The following PAOX variants were observed in gnomAD, a reference collection of about 807,000 sequenced individuals.
The protein encoded by PAOX is polyamine oxidase, also known as peroxisomal N(1)-acetyl-spermine/spermidine oxidase.
In PAOX, 38 loss-of-function variants were observed where a neutral mutation model predicts 39.0. The observed-to-expected ratio is 0.97, with a 90% CI of 0.75 to 1.28. The LOEUF (loss-of-function observed/expected upper bound fraction) is 1.28. PAOX is among the 50% of genes most tolerant of loss of function. The pLI, the probability that PAOX is intolerant of heterozygous loss-of-function variation, is 0.00. For missense variants in PAOX, 667 were observed against 685.7 expected (o/e 0.97, Z 0.30); for synonymous variants, 311 against 314.4 (o/e 0.99, Z 0.11).
At chr10:133,381,868 A>T (rs1849394241) in intron 3 of PAOX, among the ~76,000 whole-genome samples, 1 of 152,204 alleles carries the variant, frequency 6.6e-6, no homozygotes, top group Non-Finnish European at 1.5e-5. Context: ...AAAAAACGCG[A>T]GTAAGTATGC....
Position 133,381,605 on chromosome 10 carries a change from T to G in PAOX, c.814T>G (p.Cys272Gly). ...PGETFPVSVE[C>G]EDGDRFPAHH... ...GGAGACCTTTCCAGTGTCGGTAGAG[T>G]GTGAGGATGGAGACCGGTTCCCGGC... Residue 272 changes from cysteine to glycine, a missense_variant, in exon 3 of 7, where the codon TGT becomes GGT. Physicochemically the swap from Cys to Gly is radical, Grantham distance 159. Transcript: ENST00000278060. 6.2e-7 allele frequency: 1 copy of G among 1,613,142 alleles called. No homozygotes were observed.
chr10:133,385,107 C>A (rs368036229), intron 4 of PAOX, among the ~76,000 whole-genome samples: 9 of 152,174 alleles, frequency 5.9e-5, no homozygotes, highest in African/African-American at 2.2e-4. Flanking sequence ...ACCAGCCTGG[C>A]CAACATGATG....
chr10:133,389,467 G>T, intron 5 of PAOX, 123 bp from the exon 6 acceptor site: 1 of 1,389,196 alleles, frequency 7.2e-7, no homozygotes, highest in Non-Finnish European at 9.9e-7. Context: ...ACACTCTGCT[G>T]CTCACTTTTC....
intron 4 of PAOX, among the ~76,000 whole-genome samples, chr10:133,385,124 C>T (rs547643672): frequency 7.9e-5 from 12 of 152,152 alleles, no homozygotes; most frequent in East Asian, 5.8e-4. Context: ...GATGAAACCC[C>T]GTCTCTACTA....
At chr10:133,381,760 C>T (rs1301353505) in intron 3 of PAOX, 101 bp downstream of exon 3, 38 of 1,245,012 alleles carry the variant, frequency 3.1e-5, no homozygotes, top group Non-Finnish European at 4.2e-5. Context: ...GTACGAAGCT[C>T]ACATTTTCGT....
At chr10:133,390,396 G>C (rs1365037377) in intron 6 of PAOX, among the ~76,000 whole-genome samples, 2 of 142,252 alleles carry the variant, frequency 1.4e-5, no homozygotes, top group African/African-American at 5.3e-5. Flanking sequence ...GGGCAACATA[G>C]TGAGAGTCGG....
rs905595124 is a variant in PAOX, at chr10:133,389,006, T to C, written c.1172T>C (p.Met391Thr). The change falls in exon 5 of 7, where the codon ATG (methionine) becomes ACG (threonine). Residue 391 changes from methionine (M) to threonine (T), a missense_variant. Coordinates refer to ENST00000278060, the MANE Select transcript of PAOX (RefSeq NM_152911.4). The stretch of plus-strand genomic sequence containing the variant: ...ATTGCCGGACTTGAGTCTGAGTTCA[T>C]GGAGACTCTGTCGGATGAAGAAGTA... ...GFIAGLESEF[M>T]ETLSDEEVLL... The C allele has an allele frequency of 1.9e-6, 3 of 1,614,156 alleles. No individual in the cohort carries two copies. Among genetic ancestry groups the C allele is most frequent in the African/African-American group, 1.3e-5 (1 of 75,034 alleles).
At chr10:133,390,647 A>G (rs979316104) in intron 6 of PAOX, among the ~76,000 whole-genome samples, 5 of 152,200 alleles carry the variant, frequency 3.3e-5, no homozygotes, top group African/African-American at 9.7e-5. Flanking sequence ...ATCATTCCTC[A>G]ATATGATCCA....
intron 4 of PAOX, among the ~76,000 whole-genome samples, chr10:133,386,348 T>C (rs965199256): frequency 6.6e-6 from 1 of 151,984 alleles, no homozygotes; most frequent in Non-Finnish European, 1.5e-5. Context: ...TCTTCAGTGT[T>C]ACACTTAATA....
intron 4 of PAOX, among the ~76,000 whole-genome samples, chr10:133,385,385 C>T (rs1271919255): frequency 6.6e-6 from 1 of 152,088 alleles, no homozygotes; most frequent in Admixed American, 6.5e-5. Context: ...GTGTGTAGAG[C>T]CACCTGCTCC....
In PAOX at chr10:133,389,655, AG is replaced by A. The variant is rs1432484783; in HGVS notation, c.1305del (p.Ser436ProfsTer90). 5 of 1,613,184 alleles carry A rather than the reference AG, an allele frequency of 3.1e-6. No homozygotes were observed. In the South Asian group the frequency reaches 4.4e-5, roughly 14 times the overall value. On this transcript the variant is annotated frameshift_variant, in exon 6 of 7. Transcript: ENST00000278060. LOFTEE classifies it high-confidence loss of function. ...RSRWHSAPYT[R>X]GSYSYVAVGS... ...TCGCTGGCACAGCGCCCCGTACACT[AG>A]GGGGTCCTACAGCTACGTGGCCGTG...
intron 6 of PAOX, 99 bp downstream of exon 6, chr10:133,389,846 G>T (rs1849629545): frequency 1.6e-6 from 2 of 1,283,192 alleles, no homozygotes; most frequent in African/African-American, 3.1e-5. Flanking sequence ...GGGTGGGCTG[G>T]GATCCCAGAC....
At chr10:133,381,344 T>C in intron 2 of PAOX, 116 bp from the exon 3 acceptor site, 1 of 964,568 alleles carries the variant, frequency 1.0e-6, no homozygotes, top group African/African-American at 1.6e-5. Context: ...CCCTGAGCGA[T>C]GGAGAGCTCC....
In PAOX at chr10:133,391,629, T is replaced by C. The variant is rs959786840; in HGVS notation, c.*174T>C. ...GTCTGTTATTGGAGTCTGGCCAGGG[T>C]TGACTTGAGCTGAGACACCAGATGC... On this transcript the variant is annotated 3_prime_UTR_variant, in exon 7 of 7. Coordinates refer to ENST00000278060, the MANE Select transcript of PAOX (RefSeq NM_152911.4). 1.3e-5 allele frequency: 14 copies of C among 1,057,074 alleles called. No homozygotes were observed. Among genetic ancestry groups the C allele is most frequent in the Non-Finnish European group, 1.7e-5 (13 of 751,896 alleles). The allele number at this position is 1,057,074 out of a possible 1,614,324, so 65.5% of individuals were successfully genotyped here. A position where few individuals can be genotyped will look rare whatever the true frequency, so the allele number is the denominator to read the frequency against.
At chr10:133,381,819 A>G (rs1240345780) in intron 3 of PAOX, among the ~76,000 whole-genome samples, 160 bp downstream of exon 3, 3 of 152,224 alleles carry the variant, frequency 2.0e-5, no homozygotes, top group African/African-American at 7.2e-5. Context: ...TATGTTTTGT[A>G]GCAATTACAT....
chr10:133,381,465 A>C lies in PAOX; in HGVS notation c.674A>C (p.Tyr225Ser). 6.2e-7 allele frequency: 1 copy of C among 1,613,722 alleles called. No individual in the cohort carries two copies. The highest frequency in any genetic ancestry group is 8.5e-7 in the Non-Finnish European group (1 of 1,179,990). Residue 225 changes from tyrosine (Y) to serine (S), a missense_variant, in exon 3 of 7, where the codon TAT becomes TCT. Coordinates refer to ENST00000278060, the MANE Select transcript of PAOX (RefSeq NM_152911.4). ...PGLDCTFSKG[Y>S]QGLTNCMMAA... ...CAGCACTTCCGTCTTTCTAGGGGCT[A>C]TCAAGGACTCACAAACTGCATGATG...
chr10:133,390,964 C>A, intron 6 of PAOX: 1 of 701,952 alleles, frequency 1.4e-6, no homozygotes, highest in South Asian at 1.5e-5. Context: ...TTGGTGGATG[C>A]GTGTGAGCCG....
chr10:133,379,325 G>A lies in PAOX; in HGVS notation c.9G>A (p.Ser3=). The A allele has an allele frequency of 8.2e-7, 1 of 1,217,076 alleles. No homozygotes were observed. The allele number at this position is 1,217,076 out of a possible 1,614,324, so 75.4% of individuals were successfully genotyped here. ME[S]TGSVGEAPGG... is the part of the protein sequence containing the mutation. ...ACTGCCCGGACCGCGCGATGGAGTC[G>A]ACCGGCAGCGTCGGGGAGGCCCCGG... The change falls in exon 1 of 7, where the codon TCG becomes TCA. Residue 3 remains serine, a synonymous_variant. Transcript: ENST00000278060.
chr10:133,388,681 C>T (rs748913577), intron 4 of PAOX, among the ~76,000 whole-genome samples: 96 of 152,322 alleles, frequency 6.3e-4, no homozygotes, highest in Non-Finnish European at 1.2e-3. Context: ...GGCCTTCGGA[C>T]CCCCAGGACT....
Sources: allele counts gnomAD v4.1 joint callset (sites outside exome capture counted in the v4.1 genomes callset), GRCh38; gene constraint gnomAD v4.1.1; transcripts MANE v1.5; gene names NCBI Gene and HGNC (gene_info 2026-07-23, HGNC 2026-07-21).